PRR16: variants seen among roughly 807,000 people sequenced by gnomAD.
The protein encoded by PRR16 is protein Largen.
Under a neutral mutation model 18.2 loss-of-function variants are expected in PRR16, and 6 were observed. The observed-to-expected ratio is 0.33, with a 90% CI of 0.18 to 0.65. The LOEUF (loss-of-function observed/expected upper bound fraction) is 0.65. Among genes scored for constraint, PRR16 ranks in the 30% least tolerant of loss-of-function variants. PRR16 has a pLI of 0.74. For missense variants in PRR16, 412 were observed against 376.6 expected (o/e 1.09, Z -0.78); for synonymous variants, 151 against 147.8 (o/e 1.02, Z -0.16).
intron 1 of PRR16, among the ~76,000 whole-genome samples, chr5:120,501,412 C>A (rs1393125512): frequency 1.4e-5 from 2 of 139,290 alleles, no homozygotes; most frequent in Non-Finnish European, 3.1e-5. Context: ...AGATATTAAA[C>A]ACACACACAT....
At chr5:120,791,568 T>A in the PRR16 span, among the ~76,000 whole-genome samples, 1 of 147,424 alleles carries the variant, frequency 6.8e-6, no homozygotes. Context: ...TCCAGAAGTC[T>A]GCTAAGAACT....
chr5:120,560,780 T>C (rs1172758029), intron 1 of PRR16, among the ~76,000 whole-genome samples: 2 of 151,994 alleles, frequency 1.3e-5, no homozygotes, highest in Non-Finnish European at 2.9e-5. Context: ...CTGGGAGACT[T>C]TTTATTATGG....
At chr5:120,777,602 G>C in the PRR16 span, among the ~76,000 whole-genome samples, 1 of 149,932 alleles carries the variant, frequency 6.7e-6, no homozygotes, top group Non-Finnish European at 1.5e-5. Context: ...ACACTTGTCA[G>C]ATGAGAATCT....
intron 1 of PRR16, among the ~76,000 whole-genome samples, chr5:120,622,197 C>G (rs1754713300): frequency 6.6e-6 from 1 of 152,136 alleles, no homozygotes; most frequent in Admixed American, 6.6e-5. Flanking sequence ...CCCTTAAGAG[C>G]ATGAGTCTCA....
chr5:120,499,647 T>C (rs1750381070), intron 1 of PRR16, among the ~76,000 whole-genome samples: 1 of 152,166 alleles, frequency 6.6e-6, no homozygotes, highest in Non-Finnish European at 1.5e-5. Flanking sequence ...TCTTTTTCTT[T>C]TCTACTTCTA....
intron 1 of PRR16, among the ~76,000 whole-genome samples, chr5:120,663,417 GA>G: frequency 6.6e-6 from 1 of 151,618 alleles, no homozygotes; most frequent in East Asian, 2.0e-4. Context: ...GTTTGCTGTT[GA>G]AAAGGTTAAA....
the PRR16 span, among the ~76,000 whole-genome samples, chr5:120,708,411 C>T: frequency 6.6e-5 from 10 of 152,084 alleles, no homozygotes; most frequent in Non-Finnish European, 1.5e-4. Flanking sequence ...TGCTTTTATC[C>T]TCTTTTTATA....
rs139013358 is a variant in PRR16 at position 120,680,410 on chromosome 5, A to G, written c.160-5544A>G. On this transcript the variant is annotated intron_variant, in intron 1 of 1. Transcript: ENST00000407149. ...ATATAGAACTAGTTAATTCATTTTAACTACTTTATATTTGCTAACACAATC... is the reference window on the plus strand; with the variant it reads ...ATATAGAACTAGTTAATTCATTTTAGCTACTTTATATTTGCTAACACAATC... Among the ~76,000 whole-genome samples, 577 of 152,230 alleles carry G rather than the reference A, an allele frequency of 3.8e-3. 1 individual carries two copies. Among genetic ancestry groups the G allele is most frequent in the African/African-American group, 0.013 (553 of 41,570 alleles).
At chr5:120,695,193 T>A in the PRR16 span, among the ~76,000 whole-genome samples, 20 of 152,330 alleles carry the variant, frequency 1.3e-4, no homozygotes, top group Admixed American at 1.3e-4. Flanking sequence ...TATCTTTTTT[T>A]AAAAACTTTA....
intron 1 of PRR16, among the ~76,000 whole-genome samples, chr5:120,683,242 A>T (rs989188206): frequency 6.6e-6 from 1 of 152,152 alleles, no homozygotes; most frequent in East Asian, 1.9e-4. Context: ...AACAGTTACT[A>T]AAAGTGAAAC....
chr5:120,697,618 T>C, the PRR16 span, among the ~76,000 whole-genome samples: 3 of 152,128 alleles, frequency 2.0e-5, no homozygotes, highest in Non-Finnish European at 4.4e-5. Context: ...TTCACCTGGG[T>C]GCAGGCGGGC....
At chr5:120,735,852 C>A in the PRR16 span, among the ~76,000 whole-genome samples, 2 of 152,004 alleles carry the variant, frequency 1.3e-5, no homozygotes, top group East Asian at 3.9e-4. Context: ...TGTATTTTTG[C>A]TTTCATTGCC....
At chr5:120,473,563 T>C (rs952989555) in intron 1 of PRR16, among the ~76,000 whole-genome samples, 14 of 152,202 alleles carry the variant, frequency 9.2e-5, no homozygotes, top group African/African-American at 3.1e-4. Context: ...TTTAGAATGG[T>C]TCCTATGCAT....
At chr5:120,594,188 A>G (rs903634706) in intron 1 of PRR16, among the ~76,000 whole-genome samples, 3 of 152,112 alleles carry the variant, frequency 2.0e-5, no homozygotes, top group Non-Finnish European at 4.4e-5. Flanking sequence ...AAGTCAACCA[A>G]ATAGGAAGAG....
chr5:120,737,151 C>T, the PRR16 span, among the ~76,000 whole-genome samples: 1 of 152,050 alleles, frequency 6.6e-6, no homozygotes, highest in Non-Finnish European at 1.5e-5. Context: ...CAGTACTATG[C>T]TGAATAAAAG....
intron 1 of PRR16, among the ~76,000 whole-genome samples, chr5:120,521,368 C>G (rs1751173953): frequency 6.6e-6 from 1 of 151,886 alleles, no homozygotes; most frequent in African/African-American, 2.4e-5. Context: ...TGATTTATTA[C>G]AATCGTTGTG....
intron 1 of PRR16, among the ~76,000 whole-genome samples, chr5:120,678,266 A>C (rs1756870132): frequency 6.6e-6 from 1 of 152,072 alleles, no homozygotes; most frequent in South Asian, 2.1e-4. Flanking sequence ...ACCAAGTCTC[A>C]CCAATTCTAT....
chr5:120,561,092 GTT>G (rs1357691644), intron 1 of PRR16, among the ~76,000 whole-genome samples: 1 of 150,682 alleles, frequency 6.6e-6, no homozygotes, highest in Non-Finnish European at 1.5e-5. Flanking sequence ...TGATTTTTTT[GTT>G]TTCTTTGTTT....
chr5:120,688,453 T>A (rs1757172891), downstream of PRR16, among the ~76,000 whole-genome samples: 1 of 152,186 alleles, frequency 6.6e-6, no homozygotes, highest in Non-Finnish European at 1.5e-5. Context: ...TTAATATGTT[T>A]AATAGATATG....
Sources: gnomAD v4.1 joint callset for allele counts (sites outside exome capture counted in the v4.1 genomes callset) on GRCh38, gnomAD v4.1.1 for gene constraint, MANE v1.5 for transcripts, NCBI Gene and HGNC (gene_info 2026-07-23, HGNC 2026-07-21) for gene names.